Variants in ROBO1 observed in about 807,000 individuals in gnomAD.
The protein encoded by ROBO1 is roundabout guidance receptor 1.
ROBO1 carries 149 observed loss-of-function variants against 195.9 expected under a neutral mutation model. The ratio of observed to expected loss-of-function variants is 0.76; its 90% CI spans 0.67 to 0.87. ROBO1 has a LOEUF of 0.87. Ranked by LOEUF, ROBO1 falls within the 40% of genes least tolerant of loss-of-function variation. The pLI is 0.00. For synonymous variants in ROBO1, 816 were observed against 733.2 expected (o/e 1.11, Z -1.82); for missense variants, 1,933 against 2,068.3 (o/e 0.93, Z 1.27).
chr3:78,986,275 T>C (rs2077104209), intron 3 of ROBO1, among the ~76,000 whole-genome samples: 1 of 152,122 alleles, frequency 6.6e-6, no homozygotes, highest in Non-Finnish European at 1.5e-5. Context: ...ATTACAATCA[T>C]GGAATGAAAG....
intron 2 of ROBO1, among the ~76,000 whole-genome samples, chr3:79,356,238 G>C (rs1348427173): frequency 1.3e-5 from 2 of 152,184 alleles, no homozygotes; most frequent in African/African-American, 4.8e-5. Context: ...CTACTCAGGA[G>C]ACTGAGGCAC....
rs2039960112 is a variant in ROBO1 at position 78,938,751 on chromosome 3, A to G, written c.349T>C (p.Ser117Pro). The G allele has an allele frequency of 6.2e-7, 1 of 1,613,990 alleles. No individual in the cohort carries two copies. The highest frequency in any genetic ancestry group is 8.5e-7 in the Non-Finnish European group (1 of 1,179,894). Residue 117 changes from serine to proline, a missense_variant, in exon 4 of 31, where the codon TCA becomes CCA. Physicochemically the swap from Ser to Pro is moderately conservative, Grantham distance 74. This residue lies in a region of ROBO1 where 185 missense variants were observed against 159.5 expected (regional missense o/e 1.16). Coordinates refer to ENST00000464233, the MANE Select transcript of ROBO1 (RefSeq NM_002941.4). Reference protein sequence around the residue: ...RVETDKDDPRSHRMLLPSGSL... With the variant: ...RVETDKDDPRPHRMLLPSGSL... The stretch of plus-strand genomic sequence containing the variant: ...CCACTCGGCAGCAACATTCGGTGTG[A>G]GCGAGGGTCATCTTTGTCTGTCTCC...
At chr3:79,238,473 G>T (rs946313272) in intron 2 of ROBO1, among the ~76,000 whole-genome samples, 2 of 152,152 alleles carry the variant, frequency 1.3e-5, no homozygotes, top group African/African-American at 4.8e-5. Flanking sequence ...ATATGGCAAG[G>T]TGGATACAAC....
intron 8 of ROBO1, among the ~76,000 whole-genome samples, chr3:78,689,137 A>C (rs1354343731): frequency 6.6e-6 from 1 of 152,222 alleles, no homozygotes; most frequent in Non-Finnish European, 1.5e-5. Context: ...TTAATCATAC[A>C]CACAAGGATC....
At chr3:79,441,789 A>G (rs1029737973) in intron 2 of ROBO1, among the ~76,000 whole-genome samples, 4 of 152,134 alleles carry the variant, frequency 2.6e-5, no homozygotes, top group Admixed American at 2.6e-4. Context: ...AACTAAAATG[A>G]TTTAGAAGTC....
chr3:78,918,581 T>C (rs2038765256), intron 4 of ROBO1, among the ~76,000 whole-genome samples: 1 of 152,160 alleles, frequency 6.6e-6, no homozygotes, highest in Admixed American at 6.5e-5. Context: ...TTTTATACTC[T>C]TTAGGGTATA....
intron 3 of ROBO1, among the ~76,000 whole-genome samples, chr3:79,068,924 C>T (rs1178663535): frequency 6.6e-6 from 1 of 151,828 alleles, no homozygotes; most frequent in Non-Finnish European, 1.5e-5. Flanking sequence ...CATTATCATG[C>T]ATATTCTTTC....
At chr3:79,402,773 T>C (rs1159435280) in intron 2 of ROBO1, among the ~76,000 whole-genome samples, 2 of 151,952 alleles carry the variant, frequency 1.3e-5, no homozygotes, top group Non-Finnish European at 2.9e-5. Flanking sequence ...TTGAAACACA[T>C]TGGAAACTTT....
At chr3:78,772,207 TA>T (rs869194732) in intron 4 of ROBO1, among the ~76,000 whole-genome samples, 3 of 83,540 alleles carry the variant, frequency 3.6e-5, no homozygotes, top group Admixed American at 1.3e-4. Flanking sequence ...GAGATTACAA[TA>T]GTCATTACCA....
At chr3:79,625,902 C>A (rs1255727806) in intron 1 of ROBO1, among the ~76,000 whole-genome samples, 1 of 151,934 alleles carries the variant, frequency 6.6e-6, no homozygotes, top group African/African-American at 2.4e-5. Context: ...AGAGACACAA[C>A]AAAAAAAGAA....
intron 5 of ROBO1, among the ~76,000 whole-genome samples, chr3:78,723,391 C>A (rs1273893540): frequency 6.6e-6 from 1 of 152,114 alleles, no homozygotes; most frequent in African/African-American, 2.4e-5. Flanking sequence ...AATAAAATCA[C>A]CTAACAACAC....
chr3:78,740,790 T>C (rs2082513125), intron 5 of ROBO1, among the ~76,000 whole-genome samples: 1 of 152,102 alleles, frequency 6.6e-6, no homozygotes, highest in African/African-American at 2.4e-5. Context: ...CTTTTTTCAA[T>C]TGACTTTCAT....
chr3:79,320,402 C>T (rs1036050049), intron 2 of ROBO1, among the ~76,000 whole-genome samples: 3 of 152,176 alleles, frequency 2.0e-5, no homozygotes, highest in Admixed American at 6.5e-5. Flanking sequence ...AATCACAGCT[C>T]GCTGCAGCCT....
chr3:78,834,812 T>C (rs2032554839), intron 4 of ROBO1, among the ~76,000 whole-genome samples: 1 of 152,148 alleles, frequency 6.6e-6, no homozygotes, highest in Admixed American at 6.6e-5. Context: ...AAATTTTTAC[T>C]TAAAGGATTA....
At chr3:79,361,793 T>A (rs961660350) in intron 2 of ROBO1, among the ~76,000 whole-genome samples, 1 of 152,116 alleles carries the variant, frequency 6.6e-6, no homozygotes, top group African/African-American at 2.4e-5. Context: ...TTTACCTTAC[T>A]TTTTTATTCA....
intron 1 of ROBO1, among the ~76,000 whole-genome samples, chr3:79,726,847 C>G (rs1398604419): frequency 2.0e-5 from 3 of 152,078 alleles, no homozygotes; most frequent in Non-Finnish European, 4.4e-5. Flanking sequence ...AACTTCAGTA[C>G]TCCTGTTTAT....
At chr3:79,057,003 T>A (rs780744271) in intron 3 of ROBO1, among the ~76,000 whole-genome samples, 5 of 152,096 alleles carry the variant, frequency 3.3e-5, no homozygotes, top group Non-Finnish European at 5.9e-5. Flanking sequence ...CTTTCAACAT[T>A]CCGTACTGTG....
At chr3:78,680,589 C>T (rs957775534) in intron 10 of ROBO1, among the ~76,000 whole-genome samples, 22 of 151,648 alleles carry the variant, frequency 1.5e-4, no homozygotes, top group Non-Finnish European at 2.5e-4. Context: ...AAAATGCTCA[C>T]CATCACTGGC....
chr3:78,982,367 G>C (rs1455927673), intron 3 of ROBO1, among the ~76,000 whole-genome samples: 2 of 152,056 alleles, frequency 1.3e-5, no homozygotes. Flanking sequence ...TCCATTGTCA[G>C]TTAATTACAG....
Sources: gnomAD v4.1 joint callset for allele counts (sites outside exome capture counted in the v4.1 genomes callset) on GRCh38, gnomAD v4.1.1 for gene constraint, gnomAD v4.1.1 regional missense constraint, MANE v1.5 for transcripts, NCBI Gene and HGNC (gene_info 2026-07-23, HGNC 2026-07-21) for gene names.